The following MBP variants were observed in gnomAD, a reference collection of about 807,000 sequenced individuals.
The protein encoded by MBP is Golli-MBP.
Under a neutral mutation model 35.8 loss-of-function variants are expected in MBP, and 16 were observed. The observed-to-expected ratio is 0.45, with a 90% confidence interval of 0.30 to 0.68. The LOEUF (loss-of-function observed/expected upper bound fraction) is 0.68. Among genes scored for constraint, MBP ranks in the 30% least tolerant of loss-of-function variants. The probability of loss-of-function intolerance (pLI) is 0.08; values close to 1 mark genes in which losing one functional copy is unlikely to be tolerated. For missense variants in MBP, 380 were observed against 404.7 expected (o/e 0.94, Z 0.52); for synonymous variants, 143 against 159.6 (o/e 0.90, Z 0.78).
intron 3 of MBP, among the ~76,000 whole-genome samples, chr18:77,048,793 T>A (rs1244636396): frequency 6.6e-6 from 1 of 152,130 alleles, no homozygotes. Context: ...ATCTCTATTT[T>A]ACAGATGGAA....
At chr18:77,072,151 C>G (rs1244908784) in intron 2 of MBP, among the ~76,000 whole-genome samples, 1 of 152,184 alleles carries the variant, frequency 6.6e-6, no homozygotes, top group South Asian at 2.1e-4. Context: ...GTACACACCC[C>G]TCCGCCTCCC....
intron 2 of MBP, chr18:77,087,421 A>T (rs1218925391): frequency 2.6e-5 from 4 of 152,054 alleles, no homozygotes; most frequent in Non-Finnish European, 5.9e-5. Flanking sequence ...CACCCGCGGC[A>T]GGTGGTGCAG....
At chr18:77,104,754 T>G (rs898976205) in intron 2 of MBP, among the ~76,000 whole-genome samples, 2 of 152,178 alleles carry the variant, frequency 1.3e-5, no homozygotes, top group African/African-American at 4.8e-5. Context: ...ATCAAAAGTA[T>G]TTTTGCATCA....
intron 7 of MBP, chr18:76,987,192 A>G (rs1969608098): frequency 2.0e-6 from 2 of 985,400 alleles, no homozygotes; most frequent in African/African-American, 3.5e-5. Context: ...CCCAAAGTCC[A>G]CTCCTAGAAA....
chr18:77,064,862 G>A (rs1198883811), intron 3 of MBP, among the ~76,000 whole-genome samples: 1 of 152,094 alleles, frequency 6.6e-6, no homozygotes, highest in African/African-American at 2.4e-5. Flanking sequence ...TTTTTCCTTC[G>A]ACCTATAGTG....
At chr18:77,004,190 T>C (rs918129941) in intron 4 of MBP, 55 of 152,100 alleles carry the variant, frequency 3.6e-4, no homozygotes, top group African/African-American at 1.3e-3. Context: ...AACACTGTGG[T>C]TCTCTTTTCA....
In MBP at chr18:77,125,269, C is replaced by A. The variant is rs181666364; in HGVS notation, c.-26+7311G>T. Among the ~76,000 whole-genome samples the A allele has an allele frequency of 2.9e-3, 446 of 152,188 alleles. 1 individual carries two copies. The highest frequency in any genetic ancestry group is 0.01 in the African/African-American group (427 of 41,522). ...TCTAACACTTCATTATCGCTGGTGT[C>A]ATTTCCCCCCAAACTTTACATTGGT... On this transcript the variant is annotated intron_variant, in intron 1 of 8. Transcript: ENST00000355994.
chr18:77,076,011 G>A lies in MBP; in HGVS notation c.52-9626C>T, dbSNP rs139023360. Among the ~76,000 whole-genome samples the A allele has an allele frequency of 1.1e-4, 17 of 152,246 alleles. No individual in the cohort carries two copies. The East Asian group carries it at 2.7e-3, about 24-fold the overall frequency. Reference sequence around the variant, plus strand: ...TCGATTACATTTATCATGAACCTTCGCAATCTCAAACTTTGATTCGAATAA... The same window carrying A: ...TCGATTACATTTATCATGAACCTTCACAATCTCAAACTTTGATTCGAATAA... On this transcript the variant is annotated intron_variant, in intron 2 of 8. Coordinates refer to ENST00000355994, the MANE Select transcript of MBP (RefSeq NM_001025101.2).
intron 1 of MBP, among the ~76,000 whole-genome samples, chr18:77,106,002 C>A (rs190428303): frequency 2.2e-4 from 34 of 152,376 alleles, no homozygotes; most frequent in Non-Finnish European, 2.9e-4. Context: ...TCCTGCGGAA[C>A]CTGCCCTGGC....
chr18:77,121,321 A>T (rs1431240576), intron 1 of MBP, among the ~76,000 whole-genome samples: 2 of 142,084 alleles, frequency 1.4e-5, no homozygotes, highest in Admixed American at 1.6e-4. Context: ...AAAAAAAAAA[A>T]ATAAATAAAT....
At chr18:76,981,525 C>T (rs538018246) in intron 8 of MBP, 5 of 152,164 alleles carry the variant, frequency 3.3e-5, no homozygotes, top group African/African-American at 1.2e-4. Flanking sequence ...CAAGTACATA[C>T]GTAGCATTAT....
chr18:76,979,971 C>T lies in MBP; in HGVS notation c.*456G>A, dbSNP rs1351332281. The T allele has an allele frequency of 4.3e-6, 3 of 702,328 alleles. No individual in the cohort carries two copies. The highest frequency in any genetic ancestry group is 7.8e-6 in the Non-Finnish European group (3 of 384,964). The allele number at this position is 702,328 out of a possible 1,614,324, so 43.5% of individuals were successfully genotyped here. On this transcript the variant is annotated 3_prime_UTR_variant, in exon 9 of 9. Coordinates refer to ENST00000355994, the MANE Select transcript of MBP (RefSeq NM_001025101.2). ...GTGAGAGAAGGACAGGAAAAAAAAA[C>T]AAAGGAAGCTTGGATGTCAACAGTC...
chr18:77,038,314 A>G (rs1972855909), intron 3 of MBP, among the ~76,000 whole-genome samples: 1 of 152,246 alleles, frequency 6.6e-6, no homozygotes. Context: ...AGGACTGGCC[A>G]CAGTGTGAAC....
intron 2 of MBP, among the ~76,000 whole-genome samples, chr18:77,082,028 A>AT (rs1201528960): frequency 6.6e-6 from 1 of 150,646 alleles, no homozygotes; most frequent in Admixed American, 6.6e-5. Context: ...ATTTTTTTGT[A>AT]TTTTTAGTAG....
At chr18:77,105,764 T>C (rs567882370) in intron 1 of MBP, among the ~76,000 whole-genome samples, 2 of 152,296 alleles carry the variant, frequency 1.3e-5, no homozygotes, top group African/African-American at 2.4e-5. Flanking sequence ...AGAAACCATG[T>C]GAGCACAGAA....
intron 1 of MBP, among the ~76,000 whole-genome samples, chr18:77,116,371 T>G (rs1976660683): frequency 6.6e-6 from 1 of 152,158 alleles, no homozygotes; most frequent in South Asian, 2.1e-4. Context: ...GCAGGACACA[T>G]TAGAAAGACA....
chr18:77,009,905 G>T, intron 4 of MBP: 1 of 1,593,172 alleles, frequency 6.3e-7, no homozygotes, highest in East Asian at 2.3e-5. Flanking sequence ...AGAGGGCTCC[G>T]GCCCGGCTTT....
At chr18:76,987,120 G>A (rs930344837) in intron 7 of MBP, 6 of 985,474 alleles carry the variant, frequency 6.1e-6, no homozygotes, top group Non-Finnish European at 7.2e-6. Context: ...AGCTGCTGGG[G>A]CAGAACGGCC....
At chr18:76,986,568 C>T (rs953023887) in intron 7 of MBP, 68 of 985,490 alleles carry the variant, frequency 6.9e-5, no homozygotes, top group Non-Finnish European at 7.6e-5. Flanking sequence ...ACAGTTGATT[C>T]GGGGGCTATC....
Sources: gnomAD v4.1 joint callset for allele counts (sites outside exome capture counted in the v4.1 genomes callset) on GRCh38, gnomAD v4.1.1 for gene constraint, MANE v1.5 for transcripts, NCBI Gene and HGNC (gene_info 2026-07-23, HGNC 2026-07-21) for gene names.